The following ITPR1 variants were observed in gnomAD, a reference collection of about 807,000 sequenced individuals.
The protein encoded by ITPR1 is inositol 1,4,5-trisphosphate-gated calcium channel ITPR1.
Under a neutral mutation model 318.4 loss-of-function variants are expected in ITPR1, and 96 were observed. The observed-to-expected ratio is 0.30, with a 90% confidence interval of 0.26 to 0.36. ITPR1 has a LOEUF of 0.36. Ranked by LOEUF, ITPR1 falls within the 10% of genes least tolerant of loss-of-function variation. The pLI, the probability that ITPR1 is intolerant of heterozygous loss-of-function variation, is 1.00. For missense variants in ITPR1, 2,440 were observed against 3,460.2 expected (o/e 0.71, Z 7.40); for synonymous variants, 1,312 against 1,289.9 (o/e 1.02, Z -0.37).
chr3:4,555,086 G>C (rs1230514069), intron 4 of ITPR1, among the ~76,000 whole-genome samples: 1 of 152,122 alleles, frequency 6.6e-6, no homozygotes. Flanking sequence ...GTTCCATAGG[G>C]CTTCTAATAA....
At chr3:4,664,896 C>T (rs953769720) in intron 16 of ITPR1, among the ~76,000 whole-genome samples, 4 of 152,174 alleles carry the variant, frequency 2.6e-5, no homozygotes, top group Non-Finnish European at 5.9e-5. Flanking sequence ...TGTTCTTAAA[C>T]GCTTTGCTCT....
chr3:4,712,597 A>G (rs2125284456), intron 39 of ITPR1, among the ~76,000 whole-genome samples: 1 of 152,388 alleles, frequency 6.6e-6, no homozygotes, highest in South Asian at 2.1e-4. Flanking sequence ...GTAGGTGAAT[A>G]TGCTGATATC....
chr3:4,794,313 A>G (rs2047755111), intron 52 of ITPR1, among the ~76,000 whole-genome samples: 1 of 152,180 alleles, frequency 6.6e-6, no homozygotes, highest in South Asian at 2.1e-4. Flanking sequence ...AGGTGGCAGC[A>G]ATGTCCAAAG....
chr3:4,638,344 A>C (rs533121407), intron 5 of ITPR1, among the ~76,000 whole-genome samples: 17 of 152,294 alleles, frequency 1.1e-4, no homozygotes, highest in Non-Finnish European at 1.9e-4. Context: ...ATGGGTTGGG[A>C]TAACAGTTTG....
chr3:4,674,385 CAGT>C (rs780765515), intron 22 of ITPR1, 42 bp downstream of exon 22: 1 of 1,530,094 alleles, frequency 6.5e-7, no homozygotes, highest in African/African-American at 1.4e-5. Flanking sequence ...ATCTGCCTCT[CAGT>C]GGTCATTTTT....
Position 4,557,353 on chromosome 3 carries a change from G to T in ITPR1, c.163+36259G>T, listed in dbSNP as rs2086229908. Among the ~76,000 whole-genome samples, 2 of 152,156 alleles carry T rather than the reference G, an allele frequency of 1.3e-5. 1 individual carries two copies. Among genetic ancestry groups the T allele is most frequent in the South Asian group, 4.1e-4 (2 of 4,820 alleles). On this transcript the variant is annotated intron_variant, in intron 4 of 61. Coordinates refer to ENST00000649015, the MANE Select transcript of ITPR1 (RefSeq NM_001378452.1). ...TATTAACTATCATGAGAACAGCATG[G>T]GAAAGACCCGCCTCCATGAATCAAT...
At chr3:4,544,740 G>A (rs1278720283) in intron 4 of ITPR1, among the ~76,000 whole-genome samples, 2 of 152,148 alleles carry the variant, frequency 1.3e-5, no homozygotes, top group Admixed American at 6.5e-5. Flanking sequence ...TTAAGTGATG[G>A]CGTTGGCAGA....
intron 60 of ITPR1, among the ~76,000 whole-genome samples, chr3:4,833,897 A>C (rs1054727912): frequency 2.0e-5 from 3 of 151,918 alleles, no homozygotes; most frequent in African/African-American, 7.3e-5. Context: ...TTCCTTAGTT[A>C]GTTTTTTATT....
At chr3:4,500,353 C>T (rs2080925991) in intron 2 of ITPR1, among the ~76,000 whole-genome samples, 1 of 133,452 alleles carries the variant, frequency 7.5e-6, no homozygotes, top group Non-Finnish European at 1.6e-5. Context: ...GCATTCACCA[C>T]CACACCTGGC....
At position 4,675,231 on chromosome 3, in the gene ITPR1, A is replaced by G; in HGVS notation, c.2762A>G (p.Asp921Gly). Residue 921 changes from aspartate to glycine, a missense_variant, in exon 23 of 62, where the codon GAT becomes GGT. Physicochemically the swap from Asp to Gly is moderately conservative, Grantham distance 94. Coordinates refer to ENST00000649015, the MANE Select transcript of ITPR1 (RefSeq NM_001378452.1). ...GGAGAAGAGAATAAAGGTAACAATG[A>G]TGTGGAGAAGCTGAAGAGTGAGTAT... Reference protein sequence around the residue: ...AKGEENKGNNDVEKLKSSNVM... With the variant: ...AKGEENKGNNGVEKLKSSNVM... The G allele has an allele frequency of 1.2e-6, 2 of 1,610,334 alleles. No individual in the cohort carries two copies. The highest frequency in any genetic ancestry group is 1.7e-6 in the Non-Finnish European group (2 of 1,178,786).
At chr3:4,555,469 G>T (rs944910828) in intron 4 of ITPR1, among the ~76,000 whole-genome samples, 1 of 152,074 alleles carries the variant, frequency 6.6e-6, no homozygotes, top group Non-Finnish European at 1.5e-5. Context: ...TCTGCAATTT[G>T]GTTTTTTCAC....
chr3:4,494,069 G>C (rs2080359158), intron 1 of ITPR1, among the ~76,000 whole-genome samples: 1 of 152,198 alleles, frequency 6.6e-6, no homozygotes, highest in Admixed American at 6.5e-5. Context: ...AAGCGGTGAG[G>C]GATGAAGTGT....
chr3:4,542,793 A>G (rs923983952), intron 4 of ITPR1, among the ~76,000 whole-genome samples: 3 of 152,146 alleles, frequency 2.0e-5, no homozygotes, highest in Non-Finnish European at 4.4e-5. Flanking sequence ...ATGGAAGGTT[A>G]TTAGGTTCTC....
chr3:4,562,187 C>T (rs2125018639), intron 4 of ITPR1, among the ~76,000 whole-genome samples: 1 of 152,096 alleles, frequency 6.6e-6, no homozygotes, highest in East Asian at 1.9e-4. Context: ...CCATCCTGGG[C>T]CGTGGGTTGG....
intron 18 of ITPR1, among the ~76,000 whole-genome samples, chr3:4,668,050 T>C (rs2093988420): frequency 6.6e-6 from 1 of 152,086 alleles, no homozygotes; most frequent in African/African-American, 2.4e-5. Flanking sequence ...CCCTCAAACA[T>C]TTATTTTTTG....
intron 8 of ITPR1, 78 bp downstream of exon 8, chr3:4,644,312 C>G (rs1431750593): frequency 4.3e-6 from 4 of 919,938 alleles, no homozygotes; most frequent in Non-Finnish European, 6.8e-6. Flanking sequence ...CATGCGTGTG[C>G]TGAGAGTGAC....
chr3:4,511,913 C>T (rs2081857495), intron 2 of ITPR1, among the ~76,000 whole-genome samples: 1 of 152,190 alleles, frequency 6.6e-6, no homozygotes, highest in African/African-American at 2.4e-5. Flanking sequence ...GTCTTAGATG[C>T]TTCAGAGGGC....
intron 2 of ITPR1, among the ~76,000 whole-genome samples, chr3:4,503,572 T>A (rs147201237): frequency 0.013 from 1,930 of 152,172 alleles, 39 homozygotes; most frequent in African/African-American, 0.044. Flanking sequence ...CAGGGGACAT[T>A]TGGTATCGTC....
At chr3:4,673,103 G>C in intron 20 of ITPR1, 33 bp from the exon 21 acceptor site, 1 of 1,592,504 alleles carries the variant, frequency 6.3e-7, no homozygotes, top group Non-Finnish European at 8.6e-7. Flanking sequence ...GATTTCTGGA[G>C]CGTGAGCTGT....
Sources: allele counts gnomAD v4.1 joint callset (sites outside exome capture counted in the v4.1 genomes callset), GRCh38; gene constraint gnomAD v4.1.1; transcripts MANE v1.5; gene names NCBI Gene and HGNC (gene_info 2026-07-23, HGNC 2026-07-21).